Variants in CALCOCO2 observed in about 807,000 individuals in gnomAD.
The protein encoded by CALCOCO2 is calcium binding and coiled-coil domain 2.
In CALCOCO2, 42 loss-of-function variants were observed where a neutral mutation model predicts 62.5. The observed-to-expected ratio is 0.67, with a 90% CI of 0.53 to 0.87. The LOEUF is 0.87. Among genes scored for constraint, CALCOCO2 ranks in the 40% least tolerant of loss-of-function variants. The pLI is 0.00. For synonymous variants in CALCOCO2, 167 were observed against 173.0 expected (o/e 0.97, Z 0.27); for missense variants, 456 against 515.0 (o/e 0.89, Z 1.11).
intron 2 of CALCOCO2, among the ~76,000 whole-genome samples, chr17:48,847,223 A>G (rs1485130171): frequency 6.6e-6 from 1 of 152,166 alleles, no homozygotes; most frequent in Non-Finnish European, 1.5e-5. Context: ...CACAGACATT[A>G]TGAAAAATAA....
At chr17:48,836,267 T>C (rs1203647108) in intron 1 of CALCOCO2, among the ~76,000 whole-genome samples, 1 of 152,170 alleles carries the variant, frequency 6.6e-6, no homozygotes, top group Non-Finnish European at 1.5e-5. Flanking sequence ...GAACCAGCCA[T>C]GCCAGCTGAA....
At chr17:48,839,554 G>C (rs940079625) in intron 1 of CALCOCO2, 5 of 149,840 alleles carry the variant, frequency 3.3e-5, no homozygotes, top group African/African-American at 1.2e-4. Flanking sequence ...TCACAATGTT[G>C]GCCAGATTGG....
intron 1 of CALCOCO2, among the ~76,000 whole-genome samples, chr17:48,840,628 C>T (rs1275762174): frequency 2.0e-5 from 3 of 152,176 alleles, no homozygotes; most frequent in African/African-American, 7.2e-5. Context: ...ACTCACTTGT[C>T]GAAATCCTAA....
chr17:48,858,845 G>A (rs978438920), intron 10 of CALCOCO2, among the ~76,000 whole-genome samples: 1 of 151,500 alleles, frequency 6.6e-6, no homozygotes, highest in Non-Finnish European at 1.5e-5. Flanking sequence ...ACGAGGTCAG[G>A]AGTTCAAGAC....
chr17:48,840,225 G>A (rs1287743078), intron 1 of CALCOCO2, among the ~76,000 whole-genome samples: 1 of 152,052 alleles, frequency 6.6e-6, no homozygotes, highest in Non-Finnish European at 1.5e-5. Flanking sequence ...GACCTCCCAG[G>A]CTCAAGCCAT....
At chr17:48,840,953 G>C (rs1017311130) in intron 1 of CALCOCO2, among the ~76,000 whole-genome samples, 2 of 152,198 alleles carry the variant, frequency 1.3e-5, no homozygotes, top group Non-Finnish European at 2.9e-5. Context: ...TTTGTGTGAA[G>C]TGCCTACAAT....
At chr17:48,831,548 T>TA (rs2039812722) in intron 1 of CALCOCO2, 1 of 152,276 alleles carries the variant, frequency 6.6e-6, no homozygotes, top group Non-Finnish European at 1.5e-5. Flanking sequence ...TGTCCCCCTT[T>TA]ACGAGTAGGT....
intron 2 of CALCOCO2, among the ~76,000 whole-genome samples, chr17:48,845,728 CA>C (rs534937285): frequency 0.12 from 13,461 of 107,738 alleles, 1,023 homozygotes; most frequent in African/African-American, 0.3. Context: ...GACTCCATCT[CA>C]AAAAAAAAAA....
At chr17:48,858,708 G>A (rs1366267547) in intron 10 of CALCOCO2, among the ~76,000 whole-genome samples, 1 of 151,852 alleles carries the variant, frequency 6.6e-6, no homozygotes, top group African/African-American at 2.4e-5. Context: ...GGGGGGGCAG[G>A]TGCACACACA....
At chr17:48,856,007 G>A (rs2040209770) in intron 9 of CALCOCO2, 85 bp from the exon 10 acceptor site, 1 of 587,040 alleles carries the variant, frequency 1.7e-6, no homozygotes, top group East Asian at 2.9e-5. Context: ...TCCCCGCTTT[G>A]CAATGCCAGA....
chr17:48,839,849 A>G (rs1334553304), intron 1 of CALCOCO2, among the ~76,000 whole-genome samples: 1 of 148,104 alleles, frequency 6.8e-6, no homozygotes, highest in Non-Finnish European at 1.5e-5. Context: ...CTAATTTTGT[A>G]TTTTTAGTAA....
chr17:48,860,853 T>A (rs2040316861), intron 11 of CALCOCO2, among the ~76,000 whole-genome samples: 1 of 151,996 alleles, frequency 6.6e-6, no homozygotes, highest in Non-Finnish European at 1.5e-5. Flanking sequence ...TAACCAAGGA[T>A]GACAGAAACG....
chr17:48,856,014 C>T, intron 9 of CALCOCO2, 78 bp from the exon 10 acceptor site: 1 of 652,568 alleles, frequency 1.5e-6, no homozygotes, highest in Non-Finnish European at 2.6e-6. Context: ...TTTGCAATGC[C>T]AGATTCTCTA....
At chr17:48,849,691 A>G (rs913982974) in intron 5 of CALCOCO2, among the ~76,000 whole-genome samples, 27 of 151,700 alleles carry the variant, frequency 1.8e-4, no homozygotes, top group Non-Finnish European at 1.5e-5. Flanking sequence ...TTTTTTAGAG[A>G]CAGGGTTTTA....
chr17:48,849,758 C>T (rs1254260558), intron 5 of CALCOCO2, among the ~76,000 whole-genome samples: 1 of 152,016 alleles, frequency 6.6e-6, no homozygotes, highest in Non-Finnish European at 1.5e-5. Flanking sequence ...CTCGCCTGAG[C>T]TTCCCAAAGT....
chr17:48,858,046 A>AGAGTAG lies in CALCOCO2; in HGVS notation c.1008+1859_1008+1860insGAGTAG. On this transcript the variant is annotated intron_variant, in intron 10 of 12. Transcript: ENST00000258947. ...ATAGAATAGAATAGAATAGAATAGA[A>AGAGTAG]AATAGAATAGAATAGAATAGAATAG... is the stretch of plus-strand genomic sequence containing the variant. Among the ~76,000 whole-genome samples the AGAGTAG allele has an allele frequency of 2.2e-4, 9 of 40,046 alleles. 1 individual carries two copies. The highest frequency in any genetic ancestry group is 1.3e-3 in the Admixed American group (4 of 3,102). The allele number at this position is 40,046 out of a possible 152,430, so 26.3% of individuals were successfully genotyped here. A position where few individuals can be genotyped will look rare whatever the true frequency, so the allele number is the denominator to read the frequency against.
chr17:48,859,247 A>G (rs1318440671), intron 10 of CALCOCO2, among the ~76,000 whole-genome samples: 1 of 151,920 alleles, frequency 6.6e-6, no homozygotes, highest in Non-Finnish European at 1.5e-5. Context: ...TTTGAATGGG[A>G]TAAGACCTGA....
intron 2 of CALCOCO2, among the ~76,000 whole-genome samples, chr17:48,845,389 G>C (rs1400792351): frequency 9.8e-5 from 13 of 132,292 alleles, no homozygotes; most frequent in Admixed American, 1.5e-4. Flanking sequence ...GTGTGTGTGT[G>C]TGTGTGTGTG....
At chr17:48,834,347 CT>C in intron 1 of CALCOCO2, among the ~76,000 whole-genome samples, 1 of 152,168 alleles carries the variant, frequency 6.6e-6, no homozygotes, top group East Asian at 1.9e-4. Context: ...GGCCCTAATC[CT>C]TTTGGAAACT....
Sources: gnomAD v4.1 joint callset for allele counts (sites outside exome capture counted in the v4.1 genomes callset) on GRCh38, gnomAD v4.1.1 for gene constraint, MANE v1.5 for transcripts, NCBI Gene and HGNC (gene_info 2026-07-23, HGNC 2026-07-21) for gene names.